Variants in AKAP1 observed in about 807,000 individuals in gnomAD.
The protein encoded by AKAP1 is A-kinase anchor protein 1, mitochondrial.
A neutral mutation model predicts 79.8 loss-of-function variants in AKAP1; 32 were observed. That is an observed-to-expected ratio of 0.40 (90% CI 0.30 to 0.54). AKAP1 has a LOEUF of 0.54. Among genes scored for constraint, AKAP1 ranks in the 20% least tolerant of loss-of-function variants. AKAP1 has a pLI of 0.47. For synonymous variants in AKAP1, 416 were observed against 466.7 expected (o/e 0.89, Z 1.40); for missense variants, 961 against 1,138.9 (o/e 0.84, Z 2.25).
chr17:57,111,990 G>A, intron 4 of AKAP1, 66 bp downstream of exon 4: 1 of 1,564,788 alleles, frequency 6.4e-7, no homozygotes, highest in African/African-American at 1.4e-5. Flanking sequence ...AATAGCATCT[G>A]AGTTTCAATT....
intron 1 of AKAP1, among the ~76,000 whole-genome samples, chr17:57,098,241 C>G (rs1355914012): frequency 6.6e-6 from 1 of 152,218 alleles, no homozygotes; most frequent in Non-Finnish European, 1.5e-5. Flanking sequence ...GGCAAATGGA[C>G]CTGCTAAAAA....
intron 1 of AKAP1, among the ~76,000 whole-genome samples, chr17:57,098,855 A>G (rs8080048): frequency 0.073 from 10,651 of 145,316 alleles, 1,147 homozygotes; most frequent in African/African-American, 0.24. Flanking sequence ...TCCGCCTCCC[A>G]GGTTCATGCC....
intron 8 of AKAP1, among the ~76,000 whole-genome samples, chr17:57,118,134 T>C (rs1781302165): frequency 6.6e-6 from 1 of 151,896 alleles, no homozygotes; most frequent in Non-Finnish European, 1.5e-5. Context: ...AGTGGTGAAG[T>C]TTCTGTCCAT....
chr17:57,116,952 G>A (rs1316623200), intron 8 of AKAP1, 25 bp downstream of exon 8: 1 of 1,604,100 alleles, frequency 6.2e-7, no homozygotes, highest in Non-Finnish European at 8.5e-7. Context: ...CTTTGGCTTG[G>A]GGGATTGTTG....
rs763365012 is a variant in AKAP1 at position 57,107,062 on chromosome 17, C to A, written c.1598C>A (p.Thr533Asn). The change falls in exon 2 of 11, where the codon ACC becomes AAC. Residue 533 changes from threonine to asparagine, a missense_variant. By Grantham distance (65) the Thr-to-Asn change is moderately conservative. Transcript: ENST00000337714. ...TSSSPRDKAI[T>N]PPLPESTVPF... is the part of the protein sequence containing the mutation. ...TCGAGCCCCAGGGACAAGGCCATCA[C>A]CCCGCCACTGCCAGAAAGTACTGTG... 3.7e-6 allele frequency: 6 copies of A among 1,614,204 alleles called. No individual in the cohort carries two copies. Among genetic ancestry groups the A allele is most frequent in the Non-Finnish European group, 5.1e-6 (6 of 1,180,042 alleles).
intron 4 of AKAP1, 110 bp from the exon 5 acceptor site, chr17:57,112,381 G>A: frequency 2.9e-6 from 4 of 1,361,794 alleles, no homozygotes; most frequent in Non-Finnish European, 4.0e-6. Flanking sequence ...AGATGCACTT[G>A]AACTCTATGC....
chr17:57,109,944 G>A (rs1305797357), intron 2 of AKAP1, 81 bp from the exon 3 acceptor site: 4 of 1,559,844 alleles, frequency 2.6e-6, no homozygotes, highest in African/African-American at 2.7e-5. Context: ...TCCTGGGAAT[G>A]TGAGTTTGGG....
chr17:57,116,424 C>T lies in AKAP1; in HGVS notation c.2432+163C>T, dbSNP rs140429360. On this transcript the variant is annotated intron_variant, in intron 7 of 10. Transcript: ENST00000337714. The stretch of plus-strand genomic sequence containing the variant: ...TCTGATAGAAACAAACTCGATTACT[C>T]GCTTAGCCAAACTGAGCTAGAAGGC... Among the ~76,000 whole-genome samples, 699 of 152,242 alleles carry T rather than the reference C, an allele frequency of 4.6e-3. 5 individuals carry two copies. Among genetic ancestry groups the T allele is most frequent in the African/African-American group, 0.016 (656 of 41,550 alleles).
chr17:57,117,338 T>C (rs954052375), intron 8 of AKAP1, among the ~76,000 whole-genome samples: 26 of 152,314 alleles, frequency 1.7e-4, no homozygotes, highest in Admixed American at 9.1e-4. Flanking sequence ...GAAAGCATTG[T>C]CAGAGGGAAG....
Position 57,106,431 on chromosome 17 carries a change from G to A in AKAP1, c.967G>A (p.Gly323Ser), listed in dbSNP as rs35359994. The change falls in exon 2 of 11, where the codon GGC (glycine) becomes AGC (serine). Residue 323 changes from glycine (G) to serine (S), a missense_variant. This residue lies in a region of AKAP1 where 629 missense variants were observed against 781.1 expected (regional missense o/e 0.81). Transcript: ENST00000337714. ...GGAGGGCTTGGATAGAAATGAGGAG[G>A]GCTTGGATAGAAATGAGGAGAGCTT... ...NEEGLDRNEEGLDRNEESLDR... is the reference protein window; with the variant it reads ...NEEGLDRNEESLDRNEESLDR... The A allele has an allele frequency of 0.035, 51,002 of 1,437,222 alleles. 2,678 individuals are homozygous for A. Among genetic ancestry groups the A allele is most frequent in the South Asian group, 0.04 (3,402 of 85,778 alleles). The allele number at this position is 1,437,222 out of a possible 1,614,324, so 89.0% of individuals were successfully genotyped here.
Position 57,105,986 on chromosome 17 carries a change from G to A in AKAP1, c.522G>A (p.Val174=), listed in dbSNP as rs759416180. ...VCKQDSPFSR[V]PRKVQPGYPV... Reference sequence around the variant, plus strand: ...AGCAAGATTCCCCCTTCAGCAGGGTGCCAAGGAAGGTCCAGCCAGGCTACC... The same window carrying A: ...AGCAAGATTCCCCCTTCAGCAGGGTACCAAGGAAGGTCCAGCCAGGCTACC... The change falls in exon 2 of 11, where the codon GTG becomes GTA. Residue 174 remains valine (V), a synonymous_variant. Coordinates refer to ENST00000337714, the MANE Select transcript of AKAP1 (RefSeq NM_003488.4). The A allele has an allele frequency of 6.2e-7, 1 of 1,614,142 alleles. No homozygotes were observed. The highest frequency in any genetic ancestry group is 2.2e-5 in the East Asian group (1 of 44,888).
At chr17:57,115,863 C>A (rs1471727823) in intron 6 of AKAP1, among the ~76,000 whole-genome samples, 1 of 152,182 alleles carries the variant, frequency 6.6e-6, no homozygotes, top group Non-Finnish European at 1.5e-5. Context: ...AGACTGAATG[C>A]TTCTCAGTCT....
intron 2 of AKAP1, chr17:57,107,946 T>C: frequency 1.6e-6 from 2 of 1,289,616 alleles, no homozygotes; most frequent in Non-Finnish European, 2.0e-6. Flanking sequence ...TTCTGTGCAG[T>C]TGCAGCTCCA....
At chr17:57,112,790 A>G (rs1477045598) in intron 5 of AKAP1, among the ~76,000 whole-genome samples, 172 bp downstream of exon 5, 1 of 152,228 alleles carries the variant, frequency 6.6e-6, no homozygotes, top group Non-Finnish European at 1.5e-5. Flanking sequence ...TTCTGGGGAC[A>G]GGGCTTAGGT....
At chr17:57,101,791 G>A (rs1914532790) in intron 1 of AKAP1, 2 of 152,206 alleles carry the variant, frequency 1.3e-5, no homozygotes, top group South Asian at 4.1e-4. Flanking sequence ...CAAGTTTGCA[G>A]GATACAAGAT....
chr17:57,111,379 G>A (rs765082987), intron 3 of AKAP1, among the ~76,000 whole-genome samples: 3 of 152,220 alleles, frequency 2.0e-5, no homozygotes, highest in Non-Finnish European at 4.4e-5. Flanking sequence ...AGAGGGGCAC[G>A]AGAAATCGAG....
chr17:57,092,137 C>T (rs1913823345), intron 1 of AKAP1: 1 of 152,178 alleles, frequency 6.6e-6, no homozygotes, highest in African/African-American at 2.4e-5. Context: ...GAGGCATGGC[C>T]ATAGACCCCC....
At chr17:57,103,138 C>T (rs1213840796) in intron 1 of AKAP1, among the ~76,000 whole-genome samples, 2 of 152,218 alleles carry the variant, frequency 1.3e-5, no homozygotes, top group African/African-American at 4.8e-5. Context: ...AATTTCTTCC[C>T]TGAGGAATTG....
At chr17:57,103,325 C>T (rs886209575) in intron 1 of AKAP1, among the ~76,000 whole-genome samples, 2 of 152,246 alleles carry the variant, frequency 1.3e-5, no homozygotes, top group Admixed American at 1.3e-4. Context: ...GCAGAACACA[C>T]CTCTTAGCAT....
Sources: allele counts gnomAD v4.1 joint callset (sites outside exome capture counted in the v4.1 genomes callset), GRCh38; gene constraint gnomAD v4.1.1; regional missense constraint gnomAD v4.1.1; transcripts MANE v1.5; gene names NCBI Gene and HGNC (gene_info 2026-07-23, HGNC 2026-07-21).